The following KCNAB1 variants were observed in gnomAD, a reference collection of about 807,000 sequenced individuals.
KCNAB1 encodes voltage-gated potassium channel subunit beta-1.
In KCNAB1, 35 loss-of-function variants were observed where a neutral mutation model predicts 64.6. That is an observed-to-expected ratio of 0.54 (90% CI 0.41 to 0.72). The LOEUF (loss-of-function observed/expected upper bound fraction) is 0.72. Ranked by LOEUF, KCNAB1 falls within the 30% of genes least tolerant of loss-of-function variation. The pLI is 0.00. For missense variants in KCNAB1, 401 were observed against 512.9 expected, an observed-to-expected ratio of 0.78 and a Z score of 2.11; for synonymous variants, 177 against 183.8, an observed-to-expected ratio of 0.96 and a Z score of 0.30.
intron 1 of KCNAB1, among the ~76,000 whole-genome samples, chr3:156,234,166 A>G (rs1224597524): frequency 6.6e-6 from 1 of 152,052 alleles, no homozygotes; most frequent in African/African-American, 2.4e-5. Context: ...AGGAGGAGGC[A>G]CCAGCATTGA....
rs1712020644 is a variant in KCNAB1 at position 156,379,872 on chromosome 3, A to G, written c.276-41744A>G. Among the ~76,000 whole-genome samples the G allele has an allele frequency of 2.6e-5, 4 of 152,122 alleles. 1 individual carries two copies. The South Asian group carries it at 8.3e-4, about 31-fold the overall frequency. The stretch of plus-strand genomic sequence containing the variant: ...GGTGGCAGTAGAAGTGGTAAGCAAC[A>G]ATTTTTTTCCAGACATACTCTAAAG... On this transcript the variant is annotated intron_variant, in intron 1 of 13. Coordinates refer to ENST00000490337, the MANE Select transcript of KCNAB1 (RefSeq NM_172160.3).
At chr3:156,322,143 A>C (rs1377937003) in intron 1 of KCNAB1, among the ~76,000 whole-genome samples, 1 of 152,240 alleles carries the variant, frequency 6.6e-6, no homozygotes, top group Non-Finnish European at 1.5e-5. Context: ...GGTCCAGCTG[A>C]GCAAACACAA....
intron 1 of KCNAB1, chr3:156,175,805 G>A (rs927723752): frequency 2.3e-5 from 14 of 600,348 alleles, no homozygotes; most frequent in African/African-American, 1.8e-4. Context: ...AATATTTGAC[G>A]TCACTTATGC....
At chr3:156,288,570 G>A (rs1560176169) in intron 1 of KCNAB1, among the ~76,000 whole-genome samples, 1 of 152,166 alleles carries the variant, frequency 6.6e-6, no homozygotes, top group Non-Finnish European at 1.5e-5. Context: ...TCCTGAGACC[G>A]ACTGCTCCAT....
At chr3:156,226,762 G>A (rs541762875) in intron 1 of KCNAB1, among the ~76,000 whole-genome samples, 121 of 152,252 alleles carry the variant, frequency 7.9e-4, no homozygotes, top group African/African-American at 2.9e-3. Flanking sequence ...ATGTTTTGGC[G>A]GGGATCCTTT....
intron 1 of KCNAB1, among the ~76,000 whole-genome samples, chr3:156,328,834 G>C (rs961418412): frequency 6.6e-6 from 1 of 152,152 alleles, no homozygotes; most frequent in Non-Finnish European, 1.5e-5. Context: ...TCTTAAGTCA[G>C]CTACAAAGCC....
In KCNAB1 at chr3:156,336,293, C is replaced by T. The variant is rs529685129; in HGVS notation, c.276-85323C>T. 2.2e-4 allele frequency among the ~76,000 whole-genome samples: 33 copies of T among 152,180 alleles called. 1 individual carries two copies. In the South Asian group the frequency reaches 3.7e-3, roughly 17 times the overall value. On this transcript the variant is annotated intron_variant, in intron 1 of 13. Coordinates refer to ENST00000490337, the MANE Select transcript of KCNAB1 (RefSeq NM_172160.3). ...AGGAAAATTGCTTGAACCTGGGAGG[C>T]GGAGGTTGCAGTGAGCTGAGATCGT...
intron 1 of KCNAB1, among the ~76,000 whole-genome samples, chr3:156,132,190 T>A (rs1007727090): frequency 1.3e-5 from 2 of 152,220 alleles, no homozygotes; most frequent in Non-Finnish European, 2.9e-5. Context: ...TTACTTTCAA[T>A]GTTATTCCCC....
intron 1 of KCNAB1, among the ~76,000 whole-genome samples, chr3:156,234,538 A>G (rs1716739946): frequency 6.6e-6 from 1 of 152,124 alleles, no homozygotes; most frequent in Non-Finnish European, 1.5e-5. Flanking sequence ...ATTTCTTAGC[A>G]AAATAGGAAG....
intron 1 of KCNAB1, among the ~76,000 whole-genome samples, chr3:156,148,364 C>G (rs928822161): frequency 6.6e-6 from 1 of 152,148 alleles, no homozygotes; most frequent in African/African-American, 2.4e-5. Context: ...TTCTTCAATG[C>G]CTTTGCACTT....
chr3:156,274,066 C>T (rs978701649), intron 1 of KCNAB1, among the ~76,000 whole-genome samples: 8 of 151,746 alleles, frequency 5.3e-5, no homozygotes, highest in Admixed American at 6.6e-5. Flanking sequence ...TGGATGTTGG[C>T]GATGACAAAT....
Position 156,177,240 on chromosome 3 carries a change from A to G in KCNAB1, c.275+56354A>G, listed in dbSNP as rs143817519. 1.4e-4 allele frequency among the ~76,000 whole-genome samples: 22 copies of G among 152,286 alleles called. 1 individual carries two copies. The East Asian group carries it at 4.0e-3, about 28-fold the overall frequency. ...GTTCTTATAGAGTGGGGCTCATACC[A>G]CATCTCCCCAATCACGTTATGTGGG... On this transcript the variant is annotated intron_variant, in intron 1 of 13. Coordinates refer to ENST00000490337, the MANE Select transcript of KCNAB1 (RefSeq NM_172160.3).
At chr3:156,302,191 C>T (rs991097752) in intron 1 of KCNAB1, among the ~76,000 whole-genome samples, 1 of 152,028 alleles carries the variant, frequency 6.6e-6, no homozygotes, top group Non-Finnish European at 1.5e-5. Flanking sequence ...TTTCTCACTT[C>T]GATTCTCCTG....
At chr3:156,118,394 T>G, upstream of KCNAB1, 1 of 441,552 alleles carries the variant, frequency 2.3e-6, no homozygotes, top group African/African-American at 2.0e-5. Context: ...GAAAGCTGCA[T>G]GGTCTTTCTG....
intron 12 of KCNAB1, among the ~76,000 whole-genome samples, chr3:156,528,566 T>C (rs1718483626): frequency 6.6e-6 from 1 of 152,176 alleles, no homozygotes; most frequent in Admixed American, 6.5e-5. Context: ...GAGCTTGGAA[T>C]TCAGGGAAGT....
intron 1 of KCNAB1, chr3:156,291,467 T>C: frequency 9.6e-7 from 1 of 1,039,806 alleles, no homozygotes; most frequent in South Asian, 3.6e-5. Flanking sequence ...CTGCGCTGAT[T>C]TGAGCCATCG....
At chr3:156,213,558 T>A (rs1715144796) in intron 1 of KCNAB1, among the ~76,000 whole-genome samples, 1 of 152,180 alleles carries the variant, frequency 6.6e-6, no homozygotes, top group Non-Finnish European at 1.5e-5. Context: ...TGCAAGATTC[T>A]GCCAAGGCCA....
chr3:156,306,604 G>A (rs1336124045), intron 1 of KCNAB1, among the ~76,000 whole-genome samples: 1 of 152,326 alleles, frequency 6.6e-6, no homozygotes, highest in Non-Finnish European at 1.5e-5. Context: ...AGAGAGTCAG[G>A]TTTGAAAGAA....
intron 1 of KCNAB1, among the ~76,000 whole-genome samples, chr3:156,229,557 C>T (rs1021501965): frequency 5.3e-5 from 8 of 152,178 alleles, no homozygotes; most frequent in African/African-American, 1.9e-4. Flanking sequence ...GAAAGGACAA[C>T]ACTTATTCAT....
Sources: gnomAD v4.1 joint callset for allele counts (sites outside exome capture counted in the v4.1 genomes callset) on GRCh38, gnomAD v4.1.1 for gene constraint, MANE v1.5 for transcripts, NCBI Gene and HGNC (gene_info 2026-07-23, HGNC 2026-07-21) for gene names.